The following GLIPR1L1 variants were observed in gnomAD, a reference collection of about 807,000 sequenced individuals.
The protein encoded by GLIPR1L1 is GLIPR1 like 1, also known as GLIPR1-like protein 1.
Under a neutral mutation model 29.9 loss-of-function variants are expected in GLIPR1L1, and 26 were observed. That is an observed-to-expected ratio of 0.87 (90% CI 0.64 to 1.21). The LOEUF (loss-of-function observed/expected upper bound fraction) is 1.21, where lower values mean the gene tolerates loss of function less well. Among genes scored for constraint, GLIPR1L1 ranks in the 50% most tolerant of loss-of-function variants. The probability of loss-of-function intolerance (pLI) is 0.00; values close to 1 mark genes in which losing one functional copy is unlikely to be tolerated. For synonymous variants in GLIPR1L1, 77 were observed against 97.5 expected (o/e 0.79, Z 1.24); for missense variants, 305 against 290.3 (o/e 1.05, Z -0.37).
chr12:75,348,586 A>G (rs1158927743), intron 3 of GLIPR1L1, among the ~76,000 whole-genome samples: 1 of 152,208 alleles, frequency 6.6e-6, no homozygotes, highest in Non-Finnish European at 1.5e-5. Flanking sequence ...ATGGAAAGAG[A>G]ATAATAATAG....
intron 3 of GLIPR1L1, among the ~76,000 whole-genome samples, chr12:75,351,815 G>A (rs191890029): frequency 6.6e-6 from 1 of 152,244 alleles, no homozygotes; most frequent in African/African-American, 2.4e-5. Flanking sequence ...CCAAAGTGCT[G>A]GGATTACAGG....
Position 75,369,790 on chromosome 12 carries a change from G to A in GLIPR1L1, c.611-170G>A, listed in dbSNP as rs112255840. On this transcript the variant is annotated intron_variant, in intron 4 of 5. Transcript: ENST00000378695. Reference sequence around the variant, plus strand: ...CATAACACTGTTGGTAGGAAGCATCGTAAAGAGTTTTAAGTACTGTAGGAT... The same window carrying A: ...CATAACACTGTTGGTAGGAAGCATCATAAAGAGTTTTAAGTACTGTAGGAT... 6.0e-5 allele frequency: 59 copies of A among 982,974 alleles called. No individual in the cohort carries two copies. The African/African-American group carries it at 9.1e-4, about 15-fold the overall frequency. The allele number at this position is 982,974 out of a possible 1,614,324, so 60.9% of individuals were successfully genotyped here. A position where few individuals can be genotyped will look rare whatever the true frequency, so the allele number is the denominator to read the frequency against.
intron 2 of GLIPR1L1, among the ~76,000 whole-genome samples, chr12:75,344,942 G>A (rs1192999262): frequency 6.6e-6 from 1 of 152,130 alleles, no homozygotes; most frequent in African/African-American, 2.4e-5. Context: ...TGGAAAGTGA[G>A]AATAGGTCCA....
intron 1 of GLIPR1L1, 115 bp downstream of exon 1, chr12:75,335,017 G>C: frequency 1.0e-6 from 1 of 1,002,468 alleles, no homozygotes; most frequent in African/African-American, 1.6e-5. Flanking sequence ...CATATATGCA[G>C]TTAAAAAGAA....
At chr12:75,357,537 C>T (rs935264504) in intron 3 of GLIPR1L1, among the ~76,000 whole-genome samples, 1 of 151,780 alleles carries the variant, frequency 6.6e-6, no homozygotes, top group Non-Finnish European at 1.5e-5. Context: ...ACTATACCAC[C>T]CCAAAACAGA....
chr12:75,341,017 T>G (rs2042066291), intron 1 of GLIPR1L1, among the ~76,000 whole-genome samples: 1 of 151,682 alleles, frequency 6.6e-6, no homozygotes, highest in Admixed American at 6.6e-5. Context: ...GGAAATAGTT[T>G]GGCAATTTCT....
At chr12:75,340,951 G>A (rs1489573961) in intron 1 of GLIPR1L1, among the ~76,000 whole-genome samples, 2 of 151,564 alleles carry the variant, frequency 1.3e-5, no homozygotes, top group Non-Finnish European at 2.9e-5. Context: ...AAGATATGGA[G>A]AAAATTGATC....
At chr12:75,341,671 C>T (rs1302308833) in intron 1 of GLIPR1L1, among the ~76,000 whole-genome samples, 1 of 151,618 alleles carries the variant, frequency 6.6e-6, no homozygotes, top group African/African-American at 2.4e-5. Flanking sequence ...CGGTCACGAT[C>T]TCCTGATCTC....
At chr12:75,347,190 T>C (rs1190782477) in intron 2 of GLIPR1L1, among the ~76,000 whole-genome samples, 1 of 152,108 alleles carries the variant, frequency 6.6e-6, no homozygotes, top group Non-Finnish European at 1.5e-5. Context: ...TGGTTAAGAT[T>C]GCAAAATTTA....
chr12:75,340,592 T>C (rs925448155), intron 1 of GLIPR1L1, among the ~76,000 whole-genome samples: 1 of 151,880 alleles, frequency 6.6e-6, no homozygotes, highest in African/African-American at 2.4e-5. Flanking sequence ...TTTGACCTCA[T>C]CAAAATAAGA....
intron 3 of GLIPR1L1, among the ~76,000 whole-genome samples, chr12:75,353,434 G>A (rs1438069985): frequency 6.6e-6 from 1 of 152,132 alleles, no homozygotes; most frequent in East Asian, 1.9e-4. Flanking sequence ...GCCCTCCCAA[G>A]ACTGAACCAG....
chr12:75,346,315 A>G (rs2042441431), intron 2 of GLIPR1L1, among the ~76,000 whole-genome samples: 1 of 152,030 alleles, frequency 6.6e-6, no homozygotes, highest in African/African-American at 2.4e-5. Flanking sequence ...ACCTTATCTC[A>G]TTTCATTAAG....
chr12:75,354,758 C>T (rs558112823), intron 3 of GLIPR1L1, among the ~76,000 whole-genome samples: 23 of 152,276 alleles, frequency 1.5e-4, no homozygotes, highest in Admixed American at 9.2e-4. Flanking sequence ...ACCAAAACAG[C>T]ATGGTACTGG....
chr12:75,337,234 A>T (rs1352685270), intron 1 of GLIPR1L1, among the ~76,000 whole-genome samples: 1 of 151,864 alleles, frequency 6.6e-6, no homozygotes, highest in Non-Finnish European at 1.5e-5. Context: ...GAAAATTTTT[A>T]AAAAACTAAA....
In GLIPR1L1 at chr12:75,369,960, G is replaced by T; in HGVS notation, c.611G>T (p.Arg204Met). Residue 204 changes from arginine to methionine, a missense_variant and splice_region_variant, in exon 5 of 6, where the codon AGG becomes ATG. By Grantham distance (91) the Arg-to-Met change is moderately conservative. Transcript: ENST00000378695. ...KEEKCVKNLCRTPQLIIPNQN... is the reference protein window; with the variant it reads ...KEEKCVKNLCMTPQLIIPNQN... ...ATATTAACTTTAATTTTTACTTTAG[G>T]GACTCCACAACTTATTATACCTAAC... 2 of 1,090,918 alleles carry T rather than the reference G, an allele frequency of 1.8e-6. No individual in the cohort carries two copies. Among genetic ancestry groups the T allele is most frequent in the South Asian group, 1.7e-5 (1 of 58,628 alleles). The allele number at this position is 1,090,918 out of a possible 1,614,324, so 67.6% of individuals were successfully genotyped here. A position where few individuals can be genotyped will look rare whatever the true frequency, so the allele number is the denominator to read the frequency against.
chr12:75,346,149 C>A (rs555688981), intron 2 of GLIPR1L1, among the ~76,000 whole-genome samples: 23 of 152,120 alleles, frequency 1.5e-4, no homozygotes, highest in Admixed American at 9.2e-4. Context: ...TCCAAAAGCC[C>A]CAAAAAGTCA....
chr12:75,368,100 T>C (rs1207103514), intron 4 of GLIPR1L1, among the ~76,000 whole-genome samples: 2 of 152,206 alleles, frequency 1.3e-5, no homozygotes, highest in East Asian at 1.9e-4. Context: ...CGGTTTCTAA[T>C]ATAACACAGC....
intron 1 of GLIPR1L1, among the ~76,000 whole-genome samples, chr12:75,342,461 T>C (rs2042185102): frequency 6.6e-6 from 1 of 152,200 alleles, no homozygotes; most frequent in African/African-American, 2.4e-5. Context: ...TAAAAAGATG[T>C]TTAAAAATAA....
intron 3 of GLIPR1L1, among the ~76,000 whole-genome samples, chr12:75,352,051 A>C (rs111676933): frequency 0.015 from 2,242 of 152,368 alleles, 72 homozygotes; most frequent in African/African-American, 0.052. Flanking sequence ...ACTACAAAAA[A>C]CATGCTGAAG....
Sources: allele counts gnomAD v4.1 joint callset (sites outside exome capture counted in the v4.1 genomes callset), GRCh38; gene constraint gnomAD v4.1.1; transcripts MANE v1.5; gene names NCBI Gene and HGNC (gene_info 2026-07-23, HGNC 2026-07-21).